SEMA3E: variants seen among roughly 807,000 people sequenced by gnomAD.
The protein encoded by SEMA3E is semaphorin-3E.
SEMA3E carries 49 observed loss-of-function variants against 93.6 expected under a neutral mutation model. That is an observed-to-expected ratio of 0.52 (90% confidence interval 0.42 to 0.66). The LOEUF (loss-of-function observed/expected upper bound fraction) is 0.66, where lower values mean the gene tolerates loss of function less well. Among genes scored for constraint, SEMA3E ranks in the 30% least tolerant of loss-of-function variants. SEMA3E has a pLI of 0.00. For missense variants in SEMA3E, 906 were observed against 964.8 expected (o/e 0.94, Z 0.81); for synonymous variants, 363 against 330.7 (o/e 1.10, Z -1.06).
intron 1 of SEMA3E, among the ~76,000 whole-genome samples, chr7:83,604,669 AG>A (rs1793069720): frequency 6.6e-6 from 1 of 151,928 alleles, no homozygotes; most frequent in South Asian, 2.1e-4. Flanking sequence ...CAGAACATGC[AG>A]GTTTGTTACA....
At chr7:83,648,383 CTT>C (rs372307036) in intron 1 of SEMA3E, 43 bp downstream of exon 1, 14,768 of 1,106,636 alleles carry the variant, frequency 0.013, no homozygotes, top group Non-Finnish European at 0.015. Flanking sequence ...TTTTCTTTTT[CTT>C]TTTTTTTTTT....
chr7:83,389,984 C>A (rs960515923), intron 14 of SEMA3E, among the ~76,000 whole-genome samples: 1 of 90,252 alleles, frequency 1.1e-5, no homozygotes, highest in Non-Finnish European at 2.4e-5. Context: ...CATATATACG[C>A]GTATATGTGT....
chr7:83,396,415 C>T (rs1788123134), intron 12 of SEMA3E, among the ~76,000 whole-genome samples: 1 of 151,740 alleles, frequency 6.6e-6, no homozygotes, highest in African/African-American at 2.4e-5. Flanking sequence ...ACAGTTTATT[C>T]ACTGAAATTC....
In SEMA3E at chr7:83,377,711, T is replaced by C. The variant is rs538806924; in HGVS notation, c.1875+7583A>G. Among the ~76,000 whole-genome samples the C allele has an allele frequency of 1.5e-4, 23 of 152,144 alleles. No individual in the cohort carries two copies. The South Asian group carries it at 3.3e-3, about 22-fold the overall frequency. ...ATTAGGTACTAATCTTCTGAGCAGCTTGAAGAAGCCATGGTTTTCTTTACT... is the reference window on the plus strand; with the variant it reads ...ATTAGGTACTAATCTTCTGAGCAGCCTGAAGAAGCCATGGTTTTCTTTACT... On this transcript the variant is annotated intron_variant, in intron 16 of 16. Coordinates refer to ENST00000643230, the MANE Select transcript of SEMA3E (RefSeq NM_012431.3).
At chr7:83,530,802 C>T (rs949830866) in intron 1 of SEMA3E, among the ~76,000 whole-genome samples, 10 of 151,974 alleles carry the variant, frequency 6.6e-5, no homozygotes, top group Non-Finnish European at 1.0e-4. Context: ...CACTTGAACC[C>T]GGGAGGCGGA....
intron 1 of SEMA3E, among the ~76,000 whole-genome samples, chr7:83,516,844 G>A (rs938917103): frequency 6.6e-6 from 1 of 151,494 alleles, no homozygotes; most frequent in Admixed American, 6.6e-5. Context: ...GCTTTTACCA[G>A]TACCTTCCAG....
At chr7:83,559,979 T>C (rs559899269) in intron 1 of SEMA3E, among the ~76,000 whole-genome samples, 1 of 152,130 alleles carries the variant, frequency 6.6e-6, no homozygotes, top group Non-Finnish European at 1.5e-5. Context: ...CTACACACTG[T>C]ATGATTCCAA....
chr7:83,389,245 G>A (rs184015870), intron 14 of SEMA3E, among the ~76,000 whole-genome samples: 17 of 152,152 alleles, frequency 1.1e-4, no homozygotes, highest in African/African-American at 3.1e-4. Flanking sequence ...TTAAAATGCT[G>A]TTGTTAATCC....
intron 1 of SEMA3E, among the ~76,000 whole-genome samples, chr7:83,638,355 G>A (rs890892946): frequency 7.9e-5 from 12 of 152,080 alleles, no homozygotes; most frequent in South Asian, 6.2e-4. Flanking sequence ...AGTGGTAAGC[G>A]ACATCTAATT....
At chr7:83,619,488 A>G (rs1373215356) in intron 1 of SEMA3E, among the ~76,000 whole-genome samples, 2 of 151,890 alleles carry the variant, frequency 1.3e-5, no homozygotes, top group Admixed American at 6.6e-5. Flanking sequence ...ACAACCTATT[A>G]TTAACACATT....
chr7:83,431,364 A>T (rs927708969), intron 4 of SEMA3E, among the ~76,000 whole-genome samples: 1 of 151,970 alleles, frequency 6.6e-6, no homozygotes. Context: ...AATAAATATA[A>T]ATTAAAAAAT....
intron 4 of SEMA3E, among the ~76,000 whole-genome samples, chr7:83,465,498 T>G (rs1236493807): frequency 6.6e-6 from 1 of 152,204 alleles, no homozygotes; most frequent in Non-Finnish European, 1.5e-5. Context: ...TATTTGCACC[T>G]GAGGGTTAAC....
At chr7:83,481,556 C>T (rs948871056) in intron 2 of SEMA3E, among the ~76,000 whole-genome samples, 3 of 151,948 alleles carry the variant, frequency 2.0e-5, no homozygotes, top group Admixed American at 6.6e-5. Flanking sequence ...CATTAGATAA[C>T]GCAAATGGAG....
intron 1 of SEMA3E, among the ~76,000 whole-genome samples, chr7:83,509,074 T>C (rs1790761036): frequency 6.6e-6 from 1 of 152,216 alleles, no homozygotes; most frequent in African/African-American, 2.4e-5. Flanking sequence ...ACTCGTGTCA[T>C]TAAAGTTTTA....
At chr7:83,549,400 A>G (rs1313427496) in intron 1 of SEMA3E, among the ~76,000 whole-genome samples, 1 of 152,152 alleles carries the variant, frequency 6.6e-6, no homozygotes, top group Non-Finnish European at 1.5e-5. Flanking sequence ...TAGTCTGATT[A>G]TCAAATCCAA....
At chr7:83,376,279 A>C (rs1032434803) in intron 16 of SEMA3E, among the ~76,000 whole-genome samples, 2 of 152,076 alleles carry the variant, frequency 1.3e-5, no homozygotes, top group Admixed American at 1.3e-4. Context: ...ATAGGATAGC[A>C]TTGGTAAAAG....
chr7:83,496,695 T>C (rs1361536541), intron 1 of SEMA3E, among the ~76,000 whole-genome samples: 1 of 152,082 alleles, frequency 6.6e-6, no homozygotes, highest in African/African-American at 2.4e-5. Flanking sequence ...TTTTCCTTTC[T>C]TAGTTTTAGA....
chr7:83,624,237 C>T (rs1199901302), intron 1 of SEMA3E, among the ~76,000 whole-genome samples: 1 of 152,054 alleles, frequency 6.6e-6, no homozygotes, highest in African/African-American at 2.4e-5. Flanking sequence ...TGGGTATATA[C>T]TCAGTAATGA....
intron 2 of SEMA3E, among the ~76,000 whole-genome samples, chr7:83,471,125 A>G (rs1430865486): frequency 6.6e-6 from 1 of 152,000 alleles, no homozygotes; most frequent in Non-Finnish European, 1.5e-5. Context: ...GCTAATTAGC[A>G]TAAGATGCTA....
Sources: allele counts gnomAD v4.1 joint callset (sites outside exome capture counted in the v4.1 genomes callset), GRCh38; gene constraint gnomAD v4.1.1; transcripts MANE v1.5; gene names NCBI Gene and HGNC (gene_info 2026-07-23, HGNC 2026-07-21).